HS6ST3: variants seen among roughly 807,000 people sequenced by gnomAD.
HS6ST3 encodes the protein heparan sulfate 6-O-sulfotransferase 3.
A neutral mutation model predicts 36.7 loss-of-function variants in HS6ST3; 12 were observed. The ratio of observed to expected loss-of-function variants is 0.33; its 90% CI spans 0.21 to 0.53. The LOEUF (loss-of-function observed/expected upper bound fraction) is 0.53, where lower values mean the gene tolerates loss of function less well. HS6ST3 is among the 20% of genes least tolerant of loss of function. The probability of loss-of-function intolerance (pLI) is 0.95; values close to 1 mark genes in which losing one functional copy is unlikely to be tolerated. For synonymous variants in HS6ST3, 240 were observed against 257.5 expected, an observed-to-expected ratio of 0.93 and a Z score of 0.65; for missense variants, 584 against 640.9, an observed-to-expected ratio of 0.91 and a Z score of 0.96.
chr13:96,218,675 G>C (rs935409078), intron 1 of HS6ST3, among the ~76,000 whole-genome samples: 5 of 152,124 alleles, frequency 3.3e-5, no homozygotes, highest in African/African-American at 9.7e-5. Flanking sequence ...GAAGGTATGT[G>C]CTGAAGGGCT....
intron 1 of HS6ST3, among the ~76,000 whole-genome samples, chr13:96,555,596 T>C (rs1036799457): frequency 6.6e-6 from 1 of 152,190 alleles, no homozygotes; most frequent in African/African-American, 2.4e-5. Flanking sequence ...GTCTACAACA[T>C]GCTCTTGTTG....
chr13:96,107,615 T>C (rs2053847569), intron 1 of HS6ST3, among the ~76,000 whole-genome samples: 1 of 152,198 alleles, frequency 6.6e-6, no homozygotes, highest in South Asian at 2.1e-4. Context: ...TGTTCAGTAT[T>C]GCAGGACTGT....
At chr13:96,517,538 T>TA (rs2056077392) in intron 1 of HS6ST3, among the ~76,000 whole-genome samples, 1 of 152,228 alleles carries the variant, frequency 6.6e-6, no homozygotes, top group Non-Finnish European at 1.5e-5. Flanking sequence ...GAAACTTTGA[T>TA]AACTGTAGTA....
chr13:96,254,496 T>G, intron 1 of HS6ST3, among the ~76,000 whole-genome samples: 1 of 21,898 alleles, frequency 4.6e-5, no homozygotes, highest in Non-Finnish European at 9.0e-5. Flanking sequence ...TATATATATA[T>G]ATACACATAC....
At position 96,570,193 on chromosome 13, in the gene HS6ST3, C is replaced by T. The variant is rs371402263; in HGVS notation, c.708-262297C>T. On this transcript the variant is annotated intron_variant, in intron 1 of 1. Transcript: ENST00000376705. ...TGGTTTATATCCTTTCTGATTAATG[C>T]ACAACCTATGATACTTGTTCATTTC... is the stretch of plus-strand genomic sequence containing the variant. 5.9e-5 allele frequency among the ~76,000 whole-genome samples: 9 copies of T among 152,196 alleles called. No homozygotes were observed. In the South Asian group the frequency reaches 1.9e-3, roughly 32 times the overall value.
chr13:96,410,103 C>T (rs963573386), intron 1 of HS6ST3, among the ~76,000 whole-genome samples: 1 of 152,056 alleles, frequency 6.6e-6, no homozygotes, highest in Non-Finnish European at 1.5e-5. Context: ...AAAGGAACAA[C>T]AATGAAAATA....
intron 1 of HS6ST3, among the ~76,000 whole-genome samples, chr13:96,639,069 G>A (rs1222760591): frequency 6.6e-6 from 1 of 151,994 alleles, no homozygotes; most frequent in Non-Finnish European, 1.5e-5. Flanking sequence ...TTTCTGTTAG[G>A]TCCAGTTGGT....
At chr13:96,435,906 G>C (rs1411351224) in intron 1 of HS6ST3, among the ~76,000 whole-genome samples, 1 of 151,940 alleles carries the variant, frequency 6.6e-6, no homozygotes, top group Non-Finnish European at 1.5e-5. Flanking sequence ...CTCAACTATA[G>C]TAACATTGCT....
intron 1 of HS6ST3, among the ~76,000 whole-genome samples, chr13:96,672,963 T>C (rs1222504122): frequency 6.6e-6 from 1 of 152,158 alleles, no homozygotes; most frequent in Non-Finnish European, 1.5e-5. Flanking sequence ...ATTTGTTGTC[T>C]CATAGTTCTG....
intron 1 of HS6ST3, among the ~76,000 whole-genome samples, chr13:96,506,629 C>G (rs118184539): frequency 1.0e-3 from 155 of 152,238 alleles, no homozygotes; most frequent in Non-Finnish European, 2.0e-3. Context: ...AGAGAGAGAT[C>G]CATGTTATTT....
intron 1 of HS6ST3, among the ~76,000 whole-genome samples, chr13:96,254,020 A>C (rs1484541807): frequency 6.6e-6 from 1 of 152,184 alleles, no homozygotes; most frequent in Non-Finnish European, 1.5e-5. Flanking sequence ...GAAAAGGGTA[A>C]GTATTATCCT....
intron 1 of HS6ST3, among the ~76,000 whole-genome samples, chr13:96,093,620 T>A (rs570084995): frequency 1.3e-5 from 2 of 152,304 alleles, no homozygotes; most frequent in South Asian, 4.1e-4. Context: ...TTACCTCATT[T>A]TATAATCCTT....
intron 1 of HS6ST3, among the ~76,000 whole-genome samples, chr13:96,690,477 A>C (rs1039887016): frequency 6.6e-6 from 1 of 152,122 alleles, no homozygotes; most frequent in Non-Finnish European, 1.5e-5. Context: ...TTATAAATAC[A>C]CATAGACTTC....
At chr13:96,673,481 T>C (rs2056688995) in intron 1 of HS6ST3, among the ~76,000 whole-genome samples, 1 of 152,168 alleles carries the variant, frequency 6.6e-6, no homozygotes, top group South Asian at 2.1e-4. Context: ...TCATCAATCA[T>C]TTTGTTTTGT....
At chr13:96,261,093 A>G (rs918621931) in intron 1 of HS6ST3, among the ~76,000 whole-genome samples, 2 of 152,122 alleles carry the variant, frequency 1.3e-5, no homozygotes, top group African/African-American at 4.8e-5. Flanking sequence ...AGACTGTTCA[A>G]TTGAACAAAT....
chr13:96,619,890 G>A (rs2056488008), intron 1 of HS6ST3, among the ~76,000 whole-genome samples: 1 of 152,212 alleles, frequency 6.6e-6, no homozygotes, highest in South Asian at 2.1e-4. Context: ...ATCAGTGGCA[G>A]TATTGGTGTA....
At chr13:96,178,480 T>G (rs1334759761) in intron 1 of HS6ST3, among the ~76,000 whole-genome samples, 1 of 152,070 alleles carries the variant, frequency 6.6e-6, no homozygotes, top group African/African-American at 2.4e-5. Context: ...ACTTCTACCC[T>G]GGAACTATAC....
chr13:96,289,396 G>A (rs2139398060), intron 1 of HS6ST3, among the ~76,000 whole-genome samples: 1 of 152,200 alleles, frequency 6.6e-6, no homozygotes, highest in Admixed American at 6.5e-5. Flanking sequence ...AAGATAGATT[G>A]GTAGACTGGA....
chr13:96,119,516 T>A (rs1172927912), intron 1 of HS6ST3, among the ~76,000 whole-genome samples: 1 of 152,152 alleles, frequency 6.6e-6, no homozygotes, highest in African/African-American at 2.4e-5. Context: ...CAGGACAAAT[T>A]TGGGCGGATA....
Sources: allele counts gnomAD v4.1 joint callset (sites outside exome capture counted in the v4.1 genomes callset), GRCh38; gene constraint gnomAD v4.1.1; transcripts MANE v1.5; gene names NCBI Gene and HGNC (gene_info 2026-07-23, HGNC 2026-07-21).